RBFOX1: variants seen among roughly 807,000 people sequenced by gnomAD.
The protein encoded by RBFOX1 is RNA binding fox-1 homolog 1.
Under a neutral mutation model 57.7 loss-of-function variants are expected in RBFOX1, and 8 were observed. The observed-to-expected ratio is 0.14, with a 90% CI of 0.08 to 0.25. The LOEUF is 0.25. RBFOX1 is among the 10% of genes least tolerant of loss of function. RBFOX1 has a pLI of 1.00. For missense variants in RBFOX1, 611 were observed against 548.5 expected (o/e 1.11, Z -1.14); for synonymous variants, 326 against 222.4 (o/e 1.47, Z -4.15).
intron 3 of RBFOX1, among the ~76,000 whole-genome samples, chr16:5,782,449 C>T (rs13380711): frequency 0.028 from 4,219 of 152,248 alleles, 189 homozygotes; most frequent in African/African-American, 0.094. Flanking sequence ...TTATGATTTA[C>T]GCATGTCCCA....
intron 2 of RBFOX1, among the ~76,000 whole-genome samples, chr16:6,641,288 G>A (rs376150790): frequency 3.9e-5 from 6 of 152,148 alleles, no homozygotes; most frequent in African/African-American, 1.4e-4. Flanking sequence ...CAAGGACCTA[G>A]AGGACAGCAT....
chr16:7,085,305 A>G (rs539753280), intron 4 of RBFOX1, among the ~76,000 whole-genome samples: 1 of 152,312 alleles, frequency 6.6e-6, no homozygotes, highest in South Asian at 2.1e-4. Context: ...GCACCGGCTC[A>G]TGGTTATCAC....
chr16:6,115,525 C>G (rs997907742), intron 1 of RBFOX1, among the ~76,000 whole-genome samples: 4 of 152,160 alleles, frequency 2.6e-5, no homozygotes, highest in Non-Finnish European at 5.9e-5. Context: ...GAGATCTGTA[C>G]TTGTCTGCAT....
intron 1 of RBFOX1, among the ~76,000 whole-genome samples, chr16:6,134,881 C>T (rs184492846): frequency 2.0e-3 from 299 of 152,040 alleles, no homozygotes; most frequent in African/African-American, 6.1e-3. Context: ...TTCTAGGGTA[C>T]ATATGCACAA....
At chr16:5,700,847 A>T (rs1196815078) in intron 3 of RBFOX1, among the ~76,000 whole-genome samples, 1 of 152,184 alleles carries the variant, frequency 6.6e-6, no homozygotes, top group Non-Finnish European at 1.5e-5. Flanking sequence ...TCTGTGAACC[A>T]GTCATAGGCT....
intron 3 of RBFOX1, among the ~76,000 whole-genome samples, chr16:5,756,323 A>G (rs1270939210): frequency 6.6e-6 from 1 of 151,646 alleles, no homozygotes; most frequent in Non-Finnish European, 1.5e-5. Context: ...AATTAATAGG[A>G]AAAGGGCAAG....
intron 4 of RBFOX1, among the ~76,000 whole-genome samples, chr16:7,470,550 T>G (rs888035556): frequency 7.3e-5 from 11 of 151,024 alleles, no homozygotes; most frequent in Non-Finnish European, 1.5e-4. Flanking sequence ...GGTGGATGGG[T>G]GAGTGGTAGG....
chr16:7,167,958 GTC>G (rs2079906077), intron 4 of RBFOX1, among the ~76,000 whole-genome samples: 1 of 152,180 alleles, frequency 6.6e-6, no homozygotes, highest in African/African-American at 2.4e-5. Flanking sequence ...TGTAGTGAGA[GTC>G]TGTCTTTAAC....
chr16:7,310,841 T>G (rs1425476724), intron 4 of RBFOX1, among the ~76,000 whole-genome samples: 1 of 152,204 alleles, frequency 6.6e-6, no homozygotes, highest in Non-Finnish European at 1.5e-5. Flanking sequence ...CCAGCTGCCC[T>G]TCTAGACTCT....
chr16:6,759,382 C>T (rs1382968392), intron 3 of RBFOX1, among the ~76,000 whole-genome samples: 1 of 151,944 alleles, frequency 6.6e-6, no homozygotes, highest in Non-Finnish European at 1.5e-5. Context: ...AACTCCTGAC[C>T]TCAGGTGATC....
At chr16:7,332,451 T>C (rs117770952) in intron 4 of RBFOX1, among the ~76,000 whole-genome samples, 31 of 152,342 alleles carry the variant, frequency 2.0e-4, no homozygotes, top group Non-Finnish European at 3.2e-4. Flanking sequence ...AATATCTTCT[T>C]ATTTTTTTTC....
At chr16:7,267,418 C>T (rs2095187375) in intron 4 of RBFOX1, among the ~76,000 whole-genome samples, 1 of 151,388 alleles carries the variant, frequency 6.6e-6, no homozygotes, top group African/African-American at 2.4e-5. Flanking sequence ...CACCTGCAAT[C>T]CCAGTTACTT....
intron 3 of RBFOX1, among the ~76,000 whole-genome samples, chr16:6,957,294 GCTAATTTTTT>G (rs1478473699): frequency 6.6e-6 from 1 of 151,670 alleles, no homozygotes; most frequent in Non-Finnish European, 1.5e-5. Context: ...ACTGCGCCAG[GCTAATTTTTT>G]GTATTTTTAG....
chr16:7,656,846 C>T (rs573870378), intron 12 of RBFOX1, among the ~76,000 whole-genome samples: 2 of 152,168 alleles, frequency 1.3e-5, no homozygotes, highest in South Asian at 2.1e-4. Context: ...GTCCTTAGCC[C>T]AGCTTGGGTG....
intron 2 of RBFOX1, among the ~76,000 whole-genome samples, chr16:6,629,042 G>T (rs2098348640): frequency 6.6e-6 from 1 of 152,146 alleles, no homozygotes; most frequent in East Asian, 1.9e-4. Context: ...AAAAGAAAAA[G>T]AATCAGCATA....
At chr16:6,193,400 ATAT>A (rs1317485565) in intron 1 of RBFOX1, among the ~76,000 whole-genome samples, 5 of 85,230 alleles carry the variant, frequency 5.9e-5, no homozygotes, top group East Asian at 2.7e-4. Flanking sequence ...TACTATATAT[ATAT>A]ATATATATAT....
chr16:5,556,214 G>C (rs893763429), intron 2 of RBFOX1, among the ~76,000 whole-genome samples: 2 of 152,160 alleles, frequency 1.3e-5, no homozygotes, highest in African/African-American at 4.8e-5. Flanking sequence ...GAGGAGCCTT[G>C]GTCATATTAA....
intron 3 of RBFOX1, among the ~76,000 whole-genome samples, chr16:5,652,005 A>G (rs1356289287): frequency 3.3e-5 from 5 of 152,140 alleles, no homozygotes; most frequent in Non-Finnish European, 7.4e-5. Context: ...TTGGTGACAC[A>G]TGCCTATAGT....
chr16:7,710,412 T>C, intron 15 of RBFOX1: 1 of 1,391,438 alleles, frequency 7.2e-7, no homozygotes, highest in Non-Finnish European at 9.2e-7. Context: ...TGACAGAATT[T>C]GGTTTTGCAG....
Sources: gnomAD v4.1 joint callset for allele counts (sites outside exome capture counted in the v4.1 genomes callset) on GRCh38, gnomAD v4.1.1 for gene constraint, MANE v1.5 for transcripts, NCBI Gene and HGNC (gene_info 2026-07-23, HGNC 2026-07-21) for gene names.